TYW1: variants seen among roughly 807,000 people sequenced by gnomAD.
TYW1 encodes the protein S-adenosyl-L-methionine-dependent tRNA 4-demethylwyosine synthase TYW1.
Under a neutral mutation model 96.2 loss-of-function variants are expected in TYW1, and 46 were observed. The ratio of observed to expected loss-of-function variants is 0.48; its 90% CI spans 0.38 to 0.61. TYW1 has a LOEUF of 0.61. TYW1 is among the 20% of genes least tolerant of loss of function. TYW1 has a pLI of 0.00. For missense variants in TYW1, 684 were observed against 909.6 expected, an observed-to-expected ratio of 0.75 and a Z score of 3.19; for synonymous variants, 274 against 323.0, an observed-to-expected ratio of 0.85 and a Z score of 1.63.
intron 6 of TYW1, 83 bp downstream of exon 6, chr7:67,018,226 T>G (rs911876246): frequency 2.0e-6 from 3 of 1,516,830 alleles, no homozygotes; most frequent in Admixed American, 4.1e-5. Context: ...CAATAAACCA[T>G]CTCGTTGGCT....
intron 12 of TYW1, chr7:67,114,179 C>T (rs1797518252): frequency 6.5e-6 from 1 of 152,728 alleles, no homozygotes; most frequent in Admixed American, 6.5e-5. Flanking sequence ...CTTGATCTGA[C>T]AGCCTCAGAT....
At chr7:67,002,348 C>CTAGGATTACATGA (rs1793427648) in intron 3 of TYW1, among the ~76,000 whole-genome samples, 1 of 139,368 alleles carries the variant, frequency 7.2e-6, no homozygotes, top group Non-Finnish European at 1.6e-5. Context: ...CAATATTGGG[C>CTAGGATTACATGA]TAGGATTACA....
intron 13 of TYW1, among the ~76,000 whole-genome samples, chr7:67,178,445 A>G (rs1018582686): frequency 4.6e-5 from 7 of 152,258 alleles, no homozygotes; most frequent in Non-Finnish European, 7.3e-5. Context: ...ATGTCACAGT[A>G]GCATTTTATA....
At chr7:67,160,927 G>A (rs1187674896) in intron 13 of TYW1, among the ~76,000 whole-genome samples, 1 of 151,972 alleles carries the variant, frequency 6.6e-6, no homozygotes, top group Non-Finnish European at 1.5e-5. Context: ...TAAGACACAG[G>A]GATATTTCAC....
intron 13 of TYW1, among the ~76,000 whole-genome samples, chr7:67,167,496 G>GAAAAAAAAAAAAAAA (rs1799378071): frequency 8.1e-6 from 1 of 123,818 alleles, no homozygotes. Context: ...AAAAAAAAAG[G>GAAAAAAAAAAAAAAA]AAAGTCATGA....
At chr7:67,040,886 G>T (rs62466629) in intron 7 of TYW1, among the ~76,000 whole-genome samples, 6,073 of 152,008 alleles carry the variant, frequency 0.04, 180 homozygotes, top group Middle Eastern at 0.1. Flanking sequence ...GTTTATAGTG[G>T]GTGAAGAGTT....
chr7:67,160,257 A>G (rs980485639), intron 13 of TYW1, among the ~76,000 whole-genome samples: 2 of 152,134 alleles, frequency 1.3e-5, no homozygotes, highest in African/African-American at 4.8e-5. Context: ...GCAAGACCCT[A>G]TCTCTTAATT....
At chr7:67,126,964 T>G (rs1797929729) in intron 13 of TYW1, among the ~76,000 whole-genome samples, 1 of 152,098 alleles carries the variant, frequency 6.6e-6, no homozygotes, top group Admixed American at 6.5e-5. Flanking sequence ...ACATTTTTTC[T>G]TTTGTGGTTT....
intron 7 of TYW1, among the ~76,000 whole-genome samples, chr7:67,047,419 A>C (rs1376815857): frequency 6.6e-6 from 1 of 152,210 alleles, no homozygotes; most frequent in East Asian, 1.9e-4. Flanking sequence ...ATAAAATAAT[A>C]ACTGGAGCCT....
At chr7:67,155,410 C>T (rs940192483) in intron 13 of TYW1, among the ~76,000 whole-genome samples, 3 of 152,170 alleles carry the variant, frequency 2.0e-5, no homozygotes, top group Non-Finnish European at 4.4e-5. Context: ...CCAGGTGATG[C>T]ACCTGCTGCC....
intron 13 of TYW1, among the ~76,000 whole-genome samples, chr7:67,174,048 G>C (rs1398770849): frequency 6.9e-6 from 1 of 144,326 alleles, no homozygotes; most frequent in Non-Finnish European, 1.5e-5. Context: ...GGAGAACTGT[G>C]AGAAGCTCTA....
intron 13 of TYW1, among the ~76,000 whole-genome samples, chr7:67,154,883 TTTTTTAAAAAAAATCCGAGTTG>T (rs1271178008): frequency 6.6e-6 from 1 of 152,188 alleles, no homozygotes; most frequent in Admixed American, 6.5e-5. Context: ...TTAAATTATC[TTTTTTAAAAAAAATCCGAGTTG>T]TTTCAAAAGT....
At chr7:67,104,636 G>C (rs1475135100) in intron 12 of TYW1, among the ~76,000 whole-genome samples, 1 of 152,154 alleles carries the variant, frequency 6.6e-6, no homozygotes, top group Non-Finnish European at 1.5e-5. Flanking sequence ...GGTCCACCAG[G>C]ACTTTTGGGA....
intron 3 of TYW1, among the ~76,000 whole-genome samples, chr7:66,999,164 G>T (rs1396237251): frequency 6.6e-6 from 1 of 152,158 alleles, no homozygotes; most frequent in Non-Finnish European, 1.5e-5. Context: ...AGTTAGAGCT[G>T]ATTGGTGGTG....
intron 3 of TYW1, among the ~76,000 whole-genome samples, chr7:67,007,994 C>T (rs1159250329): frequency 1.3e-5 from 2 of 152,180 alleles, no homozygotes; most frequent in African/African-American, 2.4e-5. Flanking sequence ...CATTAGCCCA[C>T]AAGACTGCCC....
At chr7:67,177,992 GAAAAAAAAAAAGAA>G (rs1211142596) in intron 13 of TYW1, among the ~76,000 whole-genome samples, 1 of 104,600 alleles carries the variant, frequency 9.6e-6, no homozygotes. Context: ...TGTCTCTACA[GAAAAAAAAAAAGAA>G]AAAAAAAAAA....
At chr7:67,222,468 G>A (rs1801424719) in intron 15 of TYW1, among the ~76,000 whole-genome samples, 1 of 139,002 alleles carries the variant, frequency 7.2e-6, no homozygotes, top group Admixed American at 7.1e-5. Context: ...AGGATTCCTG[G>A]TTGACATTTT....
chr7:67,035,041 TTGAG>T (rs1277640563), intron 7 of TYW1, among the ~76,000 whole-genome samples: 1 of 152,154 alleles, frequency 6.6e-6, no homozygotes, highest in African/African-American at 2.4e-5. Flanking sequence ...TTTTAAAATT[TTGAG>T]TGAGATTGGA....
chr7:67,118,853 G>A (rs1209541932), intron 13 of TYW1, among the ~76,000 whole-genome samples: 1 of 139,052 alleles, frequency 7.2e-6, no homozygotes, highest in Non-Finnish European at 1.5e-5. Context: ...GCACTCCAGC[G>A]TGGGTGACAG....
Sources: allele counts gnomAD v4.1 joint callset (sites outside exome capture counted in the v4.1 genomes callset), GRCh38; gene constraint gnomAD v4.1.1; transcripts MANE v1.5; gene names NCBI Gene and HGNC (gene_info 2026-07-23, HGNC 2026-07-21).